The following MALRD1 variants were observed in gnomAD, a reference collection of about 807,000 sequenced individuals.
The protein encoded by MALRD1 is MAM and LDL receptor class A domain containing 1.
Under a neutral mutation model 242.1 loss-of-function variants are expected in MALRD1, and 247 were observed. The ratio of observed to expected loss-of-function variants is 1.02; its 90% CI spans 0.92 to 1.13. MALRD1 has a LOEUF of 1.13. Among genes scored for constraint, MALRD1 ranks in the 50% most tolerant of loss-of-function variants. MALRD1 has a pLI of 0.00. For synonymous variants in MALRD1, 995 were observed against 866.6 expected, an observed-to-expected ratio of 1.15 and a Z score of -2.60; for missense variants, 2,989 against 2,533.1, an observed-to-expected ratio of 1.18 and a Z score of -3.86.
intron 28 of MALRD1, among the ~76,000 whole-genome samples, chr10:19,401,849 A>G (rs1172046756): frequency 1.3e-5 from 2 of 152,054 alleles, no homozygotes; most frequent in Non-Finnish European, 2.9e-5. Flanking sequence ...AAAACAATCT[A>G]TTTGCCAACA....
At chr10:19,160,957 T>C (rs1187590741) in intron 12 of MALRD1, among the ~76,000 whole-genome samples, 2 of 151,948 alleles carry the variant, frequency 1.3e-5, no homozygotes, top group African/African-American at 4.8e-5. Flanking sequence ...TGTGTCTCTA[T>C]TTCCTTCAGT....
intron 29 of MALRD1, among the ~76,000 whole-genome samples, chr10:19,487,555 C>T (rs1410930554): frequency 1.4e-5 from 2 of 147,672 alleles, no homozygotes; most frequent in Non-Finnish European, 3.0e-5. Context: ...AAAGAACCAA[C>T]TATTTAGAGT....
chr10:19,172,028 CACATATATGTGATAT>C (rs1835019484), intron 13 of MALRD1, among the ~76,000 whole-genome samples: 1 of 25,208 alleles, frequency 4.0e-5, no homozygotes, highest in Non-Finnish European at 6.8e-5. Flanking sequence ...TATCATATAT[CACATATATGTGATAT>C]ATATCATATA....
At chr10:19,475,097 A>T (rs1260306120) in intron 29 of MALRD1, among the ~76,000 whole-genome samples, 1 of 152,206 alleles carries the variant, frequency 6.6e-6, no homozygotes, top group Non-Finnish European at 1.5e-5. Flanking sequence ...TTGCTGAAGG[A>T]TTTTAAGATT....
chr10:19,201,309 A>C (rs1836527545), intron 14 of MALRD1, among the ~76,000 whole-genome samples: 1 of 152,180 alleles, frequency 6.6e-6, no homozygotes, highest in Non-Finnish European at 1.5e-5. Flanking sequence ...GCACATCTGA[A>C]TTTTAACAGC....
At chr10:19,449,558 C>T (rs993753984) in intron 28 of MALRD1, among the ~76,000 whole-genome samples, 1 of 152,090 alleles carries the variant, frequency 6.6e-6, no homozygotes, top group East Asian at 1.9e-4. Context: ...TCATAGTTAT[C>T]ATCAGAGATG....
In MALRD1 at chr10:19,585,835, C is replaced by T. The variant is rs1430326802; in HGVS notation, c.5681-9359C>T. Among the ~76,000 whole-genome samples, 4 of 152,224 alleles carry T rather than the reference C, an allele frequency of 2.6e-5. No individual in the cohort carries two copies. In the East Asian group the frequency reaches 7.7e-4, roughly 29 times the overall value. On this transcript the variant is annotated intron_variant, in intron 33 of 39. Transcript: ENST00000454679. ...CTGCAGAGTGTTTTCCAACTTGGTTCCATTCTCCCTGTCACTTTCAGGTAC... is the reference window on the plus strand; with the variant it reads ...CTGCAGAGTGTTTTCCAACTTGGTTTCATTCTCCCTGTCACTTTCAGGTAC...
intron 19 of MALRD1, among the ~76,000 whole-genome samples, chr10:19,266,965 T>C (rs974590702): frequency 6.6e-6 from 1 of 152,052 alleles, no homozygotes; most frequent in African/African-American, 2.4e-5. Context: ...AGTGTGTATC[T>C]CAAAGGAAGT....
At chr10:19,095,693 A>G (rs1836002137) in intron 4 of MALRD1, among the ~76,000 whole-genome samples, 1 of 152,174 alleles carries the variant, frequency 6.6e-6, no homozygotes, top group Admixed American at 6.6e-5. Flanking sequence ...GGGTTGTGGT[A>G]TGCAGAATGA....
chr10:19,306,198 T>C (rs1484934806), intron 21 of MALRD1, among the ~76,000 whole-genome samples: 2 of 125,614 alleles, frequency 1.6e-5, no homozygotes, highest in Non-Finnish European at 3.2e-5. Context: ...AATTTACATA[T>C]ATAGTATATA....
chr10:19,269,671 G>T (rs1292600771), intron 19 of MALRD1, among the ~76,000 whole-genome samples: 1 of 151,380 alleles, frequency 6.6e-6, no homozygotes, highest in Non-Finnish European at 1.5e-5. Context: ...CAATTGCAAA[G>T]TTCAGCTCCA....
chr10:19,393,630 G>A (rs1277487731), intron 28 of MALRD1, among the ~76,000 whole-genome samples: 4 of 94,462 alleles, frequency 4.2e-5, no homozygotes, highest in Admixed American at 1.1e-4. Context: ...TTTTTTTTTT[G>A]TATTTTTAGT....
At chr10:19,519,585 A>T (rs1833787290) in intron 31 of MALRD1, among the ~76,000 whole-genome samples, 1 of 152,098 alleles carries the variant, frequency 6.6e-6, no homozygotes, top group Admixed American at 6.6e-5. Context: ...CCTGGGAGAC[A>T]TAGTGAGACC....
Position 19,237,586 on chromosome 10 carries a change from ATATAAT to A in MALRD1, c.2992-20093_2992-20088del, listed in dbSNP as rs1564490407. ...CATAAAATTATATATAATTATAATTATATAATTATATAATTATAATTATAATTATAT... is the reference window on the plus strand; with the variant it reads ...CATAAAATTATATATAATTATAATTATATATAATTATAATTATAATTATAT... On this transcript the variant is annotated intron_variant, in intron 18 of 39. Coordinates refer to ENST00000454679, the MANE Select transcript of MALRD1 (RefSeq NM_001142308.3). 1.2e-3 allele frequency among the ~76,000 whole-genome samples: 14 copies of A among 11,284 alleles called. No homozygotes were observed. The South Asian group carries it at 0.014, about 11-fold the overall frequency. The allele number at this position is 11,284 out of a possible 152,430, so 7.4% of individuals were successfully genotyped here. A position where few individuals can be genotyped will look rare whatever the true frequency, so the allele number is the denominator to read the frequency against.
chr10:19,212,292 G>A (rs1199605155), intron 18 of MALRD1, among the ~76,000 whole-genome samples: 4 of 151,988 alleles, frequency 2.6e-5, no homozygotes, highest in South Asian at 4.1e-4. Context: ...GTCACTGGAC[G>A]GTAATTTATA....
chr10:19,719,193 T>C (rs1207837104), intron 38 of MALRD1, among the ~76,000 whole-genome samples: 64 of 64,302 alleles, frequency 1.0e-3, no homozygotes, highest in African/African-American at 5.2e-3. Context: ...TATATATACA[T>C]ACATATATAT....
At chr10:19,662,668 C>T (rs918117602) in intron 36 of MALRD1, among the ~76,000 whole-genome samples, 1 of 152,184 alleles carries the variant, frequency 6.6e-6, no homozygotes, top group African/African-American at 2.4e-5. Context: ...AAATTTTCAA[C>T]TGCTCATGTT....
chr10:19,254,501 T>C (rs1889511), intron 18 of MALRD1, among the ~76,000 whole-genome samples: 10,844 of 151,972 alleles, frequency 0.071, 442 homozygotes, highest in East Asian at 0.17. Context: ...CATATAAAAG[T>C]GTATGTTTAA....
intron 36 of MALRD1, among the ~76,000 whole-genome samples, chr10:19,654,130 T>C (rs1029738717): frequency 2.0e-5 from 3 of 152,154 alleles, no homozygotes; most frequent in Non-Finnish European, 4.4e-5. Context: ...TTTTTTGAAA[T>C]GACAAAATGA....
Sources: allele counts gnomAD v4.1 joint callset (sites outside exome capture counted in the v4.1 genomes callset), GRCh38; gene constraint gnomAD v4.1.1; transcripts MANE v1.5; gene names NCBI Gene and HGNC (gene_info 2026-07-23, HGNC 2026-07-21).